SYT1: variants seen among roughly 807,000 people sequenced by gnomAD.
The protein encoded by SYT1 is synaptotagmin 1, also known as synaptotagmin-1.
A neutral mutation model predicts 44.8 loss-of-function variants in SYT1; 8 were observed. The observed-to-expected ratio is 0.18, with a 90% CI of 0.10 to 0.32. The LOEUF is 0.32. Ranked by LOEUF, SYT1 falls within the 10% of genes least tolerant of loss-of-function variation. SYT1 has a pLI of 1.00. For missense variants in SYT1, 286 were observed against 509.3 expected (o/e 0.56, Z 4.22); for synonymous variants, 154 against 188.8 (o/e 0.82, Z 1.51).
chr12:79,084,617 A>T (rs1369753225), intron 3 of SYT1, among the ~76,000 whole-genome samples: 1 of 152,182 alleles, frequency 6.6e-6, no homozygotes, highest in Non-Finnish European at 1.5e-5. Context: ...CCATAATTCT[A>T]CACTACATGC....
chr12:78,889,326 A>T (rs1327636774), intron 1 of SYT1, among the ~76,000 whole-genome samples: 1 of 151,878 alleles, frequency 6.6e-6, no homozygotes, highest in Admixed American at 6.6e-5. Context: ...AAGGGTTGAG[A>T]CTCCAAAAAA....
At chr12:79,444,395 T>G (rs1870593269) in intron 10 of SYT1, among the ~76,000 whole-genome samples, 189 bp downstream of exon 10, 1 of 152,168 alleles carries the variant, frequency 6.6e-6, no homozygotes, top group African/African-American at 2.4e-5. Context: ...ATGTGCTGAC[T>G]CATCAGCCCA....
Position 79,449,204 on chromosome 12 carries a change from C to A in SYT1, c.*80C>A, listed in dbSNP as rs765357894. The A allele has an allele frequency of 5.7e-6, 8 of 1,397,232 alleles. No homozygotes were observed. In the Admixed American group the frequency reaches 6.7e-5, roughly 12 times the overall value. 86.6% of individuals were successfully genotyped at this position (1,397,232 alleles called of 1,614,324 possible). A position where few individuals can be genotyped will look rare whatever the true frequency, so the allele number is the denominator to read the frequency against. Reference sequence around the variant, plus strand: ...TGTAAATACCTCAGTAATATGGGTCCTTTCATTTTTCCAGCCATGCATTCC... The same window carrying A: ...TGTAAATACCTCAGTAATATGGGTCATTTCATTTTTCCAGCCATGCATTCC... On this transcript the variant is annotated 3_prime_UTR_variant, in exon 11 of 11. Transcript: ENST00000261205.
At chr12:79,374,227 G>A (rs184627380) in intron 9 of SYT1, among the ~76,000 whole-genome samples, 232 of 152,150 alleles carry the variant, frequency 1.5e-3, no homozygotes, top group African/African-American at 5.3e-3. Context: ...AGAAACTCTG[G>A]TATTTTCTTC....
chr12:79,230,780 G>A (rs1013663349), intron 4 of SYT1, among the ~76,000 whole-genome samples: 3 of 152,064 alleles, frequency 2.0e-5, no homozygotes, highest in Admixed American at 6.6e-5. Flanking sequence ...AATTAAAATC[G>A]CAACTAAGTT....
chr12:78,917,513 T>C (rs1307628091), intron 1 of SYT1, among the ~76,000 whole-genome samples: 2 of 151,402 alleles, frequency 1.3e-5, no homozygotes, highest in Non-Finnish European at 2.9e-5. Flanking sequence ...CTAATGTAAA[T>C]GACGAGTTAA....
intron 2 of SYT1, among the ~76,000 whole-genome samples, chr12:79,010,138 A>G (rs913507206): frequency 6.6e-6 from 1 of 152,138 alleles, no homozygotes; most frequent in African/African-American, 2.4e-5. Context: ...TTCTTTCAAT[A>G]TCTTCCTAGT....
intron 3 of SYT1, among the ~76,000 whole-genome samples, chr12:79,210,316 T>C (rs928716190): frequency 6.6e-6 from 1 of 152,118 alleles, no homozygotes; most frequent in Non-Finnish European, 1.5e-5. Context: ...GTAAGTTCCT[T>C]AGTGGTGATT....
At chr12:79,277,060 C>A (rs1423526652) in intron 4 of SYT1, among the ~76,000 whole-genome samples, 2 of 151,810 alleles carry the variant, frequency 1.3e-5, no homozygotes, top group Non-Finnish European at 2.9e-5. Context: ...TGTTTAGAAA[C>A]CTATTTGAGA....
chr12:79,328,996 T>C (rs919798021), intron 8 of SYT1, among the ~76,000 whole-genome samples: 1 of 152,176 alleles, frequency 6.6e-6, no homozygotes, highest in Non-Finnish European at 1.5e-5. Flanking sequence ...GGTTTCCTCA[T>C]GGACTTTGTG....
At chr12:79,179,478 G>GATATATCCATATAGATAT (rs1565842326) in intron 3 of SYT1, among the ~76,000 whole-genome samples, 1 of 17,976 alleles carries the variant, frequency 5.6e-5, no homozygotes, top group African/African-American at 2.0e-4. Context: ...TATAGATATA[G>GATATATCCATATAGATAT]AGATATAGAT....
intron 9 of SYT1, among the ~76,000 whole-genome samples, chr12:79,394,619 TA>T (rs1222056496): frequency 6.6e-6 from 1 of 152,222 alleles, no homozygotes; most frequent in Non-Finnish European, 1.5e-5. Context: ...TTTATACATT[TA>T]AAGATGCTTA....
At chr12:78,950,972 C>T (rs560850574) in intron 1 of SYT1, among the ~76,000 whole-genome samples, 2 of 152,074 alleles carry the variant, frequency 1.3e-5, no homozygotes, top group South Asian at 4.1e-4. Flanking sequence ...TACAAATTGA[C>T]ATCACCCATG....
chr12:78,885,348 G>A (rs1874683369), intron 1 of SYT1, among the ~76,000 whole-genome samples: 4 of 147,016 alleles, frequency 2.7e-5, no homozygotes, highest in Middle Eastern at 3.5e-3. Flanking sequence ...AGAAAGGAAG[G>A]AAGGAACGAA....
chr12:78,899,204 T>C (rs1163933738), intron 1 of SYT1, among the ~76,000 whole-genome samples: 1 of 152,072 alleles, frequency 6.6e-6, no homozygotes, highest in Admixed American at 6.6e-5. Context: ...ATAATTGAGA[T>C]TATTGCTGAA....
chr12:79,212,997 G>T (rs1325587446), intron 3 of SYT1, among the ~76,000 whole-genome samples: 1 of 152,088 alleles, frequency 6.6e-6, no homozygotes, highest in Non-Finnish European at 1.5e-5. Flanking sequence ...CCTAATAAAT[G>T]GAATCATTAG....
chr12:79,180,476 CT>C (rs202143529), intron 3 of SYT1, among the ~76,000 whole-genome samples: 21 of 80,206 alleles, frequency 2.6e-4, no homozygotes, highest in East Asian at 1.2e-3. Flanking sequence ...AATTTATTTT[CT>C]TTTTTTTTTT....
At chr12:79,016,831 T>G (rs1592665499) in intron 2 of SYT1, among the ~76,000 whole-genome samples, 2 of 152,090 alleles carry the variant, frequency 1.3e-5, no homozygotes, top group East Asian at 3.9e-4. Flanking sequence ...AGGTATAAAT[T>G]TGGGAAAATT....
chr12:79,415,773 A>G (rs868175524), intron 9 of SYT1, among the ~76,000 whole-genome samples: 5 of 152,220 alleles, frequency 3.3e-5, no homozygotes, highest in Non-Finnish European at 7.3e-5. Context: ...ATGTTAATAG[A>G]TGTTGCCAAA....
Sources: gnomAD v4.1 joint callset for allele counts (sites outside exome capture counted in the v4.1 genomes callset) on GRCh38, gnomAD v4.1.1 for gene constraint, MANE v1.5 for transcripts, NCBI Gene and HGNC (gene_info 2026-07-23, HGNC 2026-07-21) for gene names.